Variants in PCDHA8 observed in about 807,000 individuals in gnomAD.
The protein encoded by PCDHA8 is protocadherin alpha 8.
A neutral mutation model predicts 61.8 loss-of-function variants in PCDHA8; 53 were observed. The observed-to-expected ratio is 0.86, with a 90% CI of 0.69 to 1.08. PCDHA8 has a LOEUF of 1.08. PCDHA8 is among the 50% of genes least tolerant of loss of function. The probability of loss-of-function intolerance (pLI) is 0.00; values close to 1 mark genes in which losing one functional copy is unlikely to be tolerated. For synonymous variants in PCDHA8, 618 were observed against 556.6 expected (o/e 1.11, Z -1.55); for missense variants, 1,293 against 1,245.0 (o/e 1.04, Z -0.58).
chr5:140,940,265 C>T (rs782351194), intron 1 of PCDHA8, among the ~76,000 whole-genome samples: 1 of 152,116 alleles, frequency 6.6e-6, no homozygotes, highest in Non-Finnish European at 1.5e-5. Flanking sequence ...CTTCTGGGTT[C>T]CACTGTTGTC....
intron 1 of PCDHA8, chr5:140,876,435 C>T: frequency 6.2e-7 from 1 of 1,613,970 alleles, no homozygotes; most frequent in South Asian, 1.1e-5. Context: ...TTCAGGTTAA[C>T]GCCATTGATA....
intron 1 of PCDHA8, among the ~76,000 whole-genome samples, chr5:140,897,778 T>C (rs1402383058): frequency 2.0e-5 from 3 of 152,208 alleles, no homozygotes; most frequent in Non-Finnish European, 2.9e-5. Context: ...ACTTCCACAA[T>C]GGTTGAACTA....
intron 1 of PCDHA8, among the ~76,000 whole-genome samples, chr5:140,921,816 G>A (rs2080411020): frequency 6.6e-6 from 1 of 151,846 alleles, no homozygotes; most frequent in Non-Finnish European, 1.5e-5. Context: ...ATACATGTGT[G>A]AATATCTATA....
rs373922357 is a variant in PCDHA8, at chr5:140,927,079, G to A, written c.2395-51870G>A. ...CTTTCGCTTCCTTTCCAGCCACCGC[G>A]AGCTCTACTTCGGGGTGGATCTACC... On this transcript the variant is annotated intron_variant, in intron 1 of 3. Transcript: ENST00000531613. 2.5e-6 allele frequency: 4 copies of A among 1,610,988 alleles called. No homozygotes were observed. The highest frequency in any genetic ancestry group is 2.5e-6 in the Non-Finnish European group (3 of 1,177,702).
At chr5:140,856,405 C>A in intron 1 of PCDHA8, 1 of 1,598,432 alleles carries the variant, frequency 6.3e-7, no homozygotes, top group Non-Finnish European at 8.6e-7. Flanking sequence ...TCCATGTGGA[C>A]GTGGAAGTGA....
chr5:140,976,494 G>A (rs1247242198), intron 1 of PCDHA8, among the ~76,000 whole-genome samples: 1 of 151,942 alleles, frequency 6.6e-6, no homozygotes, highest in Non-Finnish European at 1.5e-5. Context: ...GAGGTTGCAG[G>A]GAGCCAAGAT....
chr5:140,869,205 C>A (rs782278064), intron 1 of PCDHA8: 1 of 1,613,994 alleles, frequency 6.2e-7, no homozygotes, highest in Non-Finnish European at 8.5e-7. Flanking sequence ...TCCACTACTC[C>A]GTCTCGGAGG....
At chr5:140,946,705 T>A (rs246053) in intron 1 of PCDHA8, among the ~76,000 whole-genome samples, 81,982 of 146,914 alleles carry the variant, frequency 0.56, 23,474 homozygotes, top group African/African-American at 0.69. Context: ...AATCTGGAGG[T>A]CATTATGTTT....
At chr5:140,929,209 G>T in intron 1 of PCDHA8, 1 of 1,614,054 alleles carries the variant, frequency 6.2e-7, no homozygotes, top group Non-Finnish European at 8.5e-7. Context: ...GCTGTTGCGT[G>T]GGGAGTACAA....
chr5:140,924,665 C>A (rs528625954), intron 1 of PCDHA8, among the ~76,000 whole-genome samples: 3 of 152,050 alleles, frequency 2.0e-5, no homozygotes, highest in Non-Finnish European at 4.4e-5. Flanking sequence ...GAGGCCGAGG[C>A]AGGCCAATCA....
intron 1 of PCDHA8, among the ~76,000 whole-genome samples, chr5:140,881,159 T>A (rs1375537883): frequency 6.6e-6 from 1 of 152,188 alleles, no homozygotes; most frequent in Non-Finnish European, 1.5e-5. Context: ...AAAAGTAAGA[T>A]CCTCTTCCTC....
In PCDHA8 at chr5:140,857,042, C is replaced by T. The variant is rs147770909; in HGVS notation, c.2394+13327C>T. The T allele has an allele frequency of 1.1e-5, 18 of 1,595,436 alleles. 1 individual carries two copies. In the African/African-American group the frequency reaches 1.2e-4, roughly 11 times the overall value. ...TAAGGGAAACCCACCTATGGTTGGTCACTGCACGGTCCTAGTGGAACTACT... is the reference window on the plus strand; with the variant it reads ...TAAGGGAAACCCACCTATGGTTGGTTACTGCACGGTCCTAGTGGAACTACT... On this transcript the variant is annotated intron_variant, in intron 1 of 3. Coordinates refer to ENST00000531613, the MANE Select transcript of PCDHA8 (RefSeq NM_018911.3).
At chr5:140,911,785 T>C (rs1334155529) in intron 1 of PCDHA8, among the ~76,000 whole-genome samples, 1 of 152,180 alleles carries the variant, frequency 6.6e-6, no homozygotes, top group Non-Finnish European at 1.5e-5. Context: ...CTTAGCATTT[T>C]TGGGTCTAAT....
intron 1 of PCDHA8, among the ~76,000 whole-genome samples, chr5:140,922,635 C>G (rs1403011776): frequency 6.6e-6 from 1 of 152,118 alleles, no homozygotes; most frequent in Non-Finnish European, 1.5e-5. Context: ...ATAAGCCACT[C>G]CATCAAACAG....
chr5:140,905,160 A>G (rs1554191931), intron 1 of PCDHA8, among the ~76,000 whole-genome samples: 2 of 152,304 alleles, frequency 1.3e-5, no homozygotes, highest in East Asian at 1.9e-4. Flanking sequence ...TAGAATTTTC[A>G]TGGTTTCAGG....
Position 141,010,037 on chromosome 5 carries a change from C to A in PCDHA8, c.*100C>A. The A allele has an allele frequency of 1.3e-6, 2 of 1,582,242 alleles. No individual in the cohort carries two copies. The highest frequency in any genetic ancestry group is 1.2e-5 in the South Asian group (1 of 84,630). On this transcript the variant is annotated 3_prime_UTR_variant, in exon 4 of 4. Transcript: ENST00000531613. ...GCTCCTTTTTCCTATCTACATGAGC[C>A]CTCTTAGAGACCTCAGAAATCTGCA...
In PCDHA8 at chr5:140,876,316, A is replaced by G. The variant is rs782671827; in HGVS notation, c.2394+32601A>G. ...TAATGGAGAAATTTCCTATGGGATC[A>G]AAATGATTTTGCCAGTGAGTGAGAA... is the stretch of plus-strand genomic sequence containing the variant. On this transcript the variant is annotated intron_variant, in intron 1 of 3. Transcript: ENST00000531613. 4 of 1,613,952 alleles carry G rather than the reference A, an allele frequency of 2.5e-6. No individual in the cohort carries two copies. Among genetic ancestry groups the G allele is most frequent in the Admixed American group, 3.3e-5 (2 of 60,018 alleles).
At position 140,850,786 on chromosome 5, in the gene PCDHA8, A is replaced by C. The variant is rs2150498536; in HGVS notation, c.2394+7071A>C. 0.62 allele frequency: 994,890 copies of C among 1,596,700 alleles called. 342,727 individuals are homozygous for C. The highest frequency in any genetic ancestry group is 0.72 in the African/African-American group (53,217 of 73,966). The stretch of plus-strand genomic sequence containing the variant: ...CAGAGGGTGTGCTCTGGCGAGGGTA[A>C]GCAGAAGACCGACCTCATGGCCTTC... On this transcript the variant is annotated intron_variant, in intron 1 of 3. Transcript: ENST00000531613.
intron 1 of PCDHA8, chr5:140,857,528 G>A: frequency 6.3e-7 from 1 of 1,597,766 alleles, no homozygotes; most frequent in Non-Finnish European, 8.6e-7. Flanking sequence ...CTACTCTCTG[G>A]TGGAGCGGCG....
Sources: allele counts gnomAD v4.1 joint callset (sites outside exome capture counted in the v4.1 genomes callset), GRCh38; gene constraint gnomAD v4.1.1; transcripts MANE v1.5; gene names NCBI Gene and HGNC (gene_info 2026-07-23, HGNC 2026-07-21).